The following ADAM12 variants were observed in gnomAD, a reference collection of about 807,000 sequenced individuals.
ADAM12 encodes ADAM metallopeptidase domain 12, also known as disintegrin and metalloproteinase domain-containing protein 12.
A neutral mutation model predicts 106.4 loss-of-function variants in ADAM12; 70 were observed. The ratio of observed to expected loss-of-function variants is 0.66; its 90% confidence interval spans 0.54 to 0.80. The LOEUF is 0.80. ADAM12 is among the 30% of genes least tolerant of loss of function. The pLI, the probability that ADAM12 is intolerant of heterozygous loss-of-function variation, is 0.00. For missense variants in ADAM12, 1,010 were observed against 1,171.9 expected, an observed-to-expected ratio of 0.86 and a Z score of 2.02; for synonymous variants, 420 against 433.5, an observed-to-expected ratio of 0.97 and a Z score of 0.39.
chr10:126,036,547 T>C (rs1382369327), intron 20 of ADAM12, among the ~76,000 whole-genome samples: 2 of 152,106 alleles, frequency 1.3e-5, no homozygotes, highest in Non-Finnish European at 2.9e-5. Context: ...AAATCTGGAA[T>C]AGAAGGATCG....
chr10:126,060,543 A>C (rs1954732019), intron 14 of ADAM12, among the ~76,000 whole-genome samples: 1 of 152,186 alleles, frequency 6.6e-6, no homozygotes, highest in Non-Finnish European at 1.5e-5. Context: ...CGTGATCCAG[A>C]TCCTGAAGCA....
intron 21 of ADAM12, among the ~76,000 whole-genome samples, chr10:126,034,820 C>T (rs1317842927): frequency 6.6e-6 from 1 of 152,082 alleles, no homozygotes; most frequent in African/African-American, 2.4e-5. Flanking sequence ...AAAAAGACAA[C>T]ACTAATACTA....
Position 126,278,934 on chromosome 10 carries a change from T to C in ADAM12, c.241A>G (p.Ile81Val). Residue 81 changes from isoleucine to valine, a missense_variant, in exon 3 of 23, where the codon ATA (isoleucine) becomes GTA (valine). Transcript: ENST00000448723. ...RLQRESKELI[I>V]NLERNEGLIA... Reference sequence around the variant, plus strand: ...ACTTACTCATTTCTTTCCAGATTTATGATCAGTTCTTTGCTTTCCCGTTGT... The same window carrying C: ...ACTTACTCATTTCTTTCCAGATTTACGATCAGTTCTTTGCTTTCCCGTTGT... The C allele has an allele frequency of 1.2e-6, 2 of 1,611,920 alleles. No individual in the cohort carries two copies. Among genetic ancestry groups the C allele is most frequent in the Non-Finnish European group, 1.7e-6 (2 of 1,178,352 alleles).
At chr10:126,174,548 A>T (rs1957182757) in intron 3 of ADAM12, among the ~76,000 whole-genome samples, 1 of 152,116 alleles carries the variant, frequency 6.6e-6, no homozygotes, top group South Asian at 2.1e-4. Context: ...CCCGTACCAG[A>T]CAACTGGCAC....
At chr10:126,117,923 T>G in intron 6 of ADAM12, 115 bp downstream of exon 6, 1 of 1,203,044 alleles carries the variant, frequency 8.3e-7, no homozygotes, top group South Asian at 1.4e-5. Flanking sequence ...GGCACTTCCA[T>G]CCCCCAGATG....
intron 2 of ADAM12, among the ~76,000 whole-genome samples, chr10:126,288,510 T>C (rs1019883308): frequency 1.6e-4 from 25 of 152,136 alleles, no homozygotes; most frequent in African/African-American, 6.0e-4. Context: ...AAAATCTGAA[T>C]CAATGCAAAA....
At chr10:126,135,719 A>G in intron 4 of ADAM12, 59 bp from the exon 5 acceptor site, 1 of 1,405,836 alleles carries the variant, frequency 7.1e-7, no homozygotes, top group Non-Finnish European at 1.0e-6. Flanking sequence ...CCCACTTATA[A>G]TAAATCAACT....
intron 8 of ADAM12, among the ~76,000 whole-genome samples, chr10:126,104,534 G>A (rs116728931): frequency 0.016 from 2,505 of 152,064 alleles, 70 homozygotes; most frequent in African/African-American, 0.057. Flanking sequence ...CCCTGAATTT[G>A]CAGCTGACAC....
At position 126,235,397 on chromosome 10, in the gene ADAM12, G is replaced by A. The variant is rs113794750; in HGVS notation, c.260+43518C>T. Reference sequence around the variant, plus strand: ...CAGAGCAAGAGAGGACACATCTGGAGGACGACAGGAAGAGGCTCTGGGAGA... The same window carrying A: ...CAGAGCAAGAGAGGACACATCTGGAAGACGACAGGAAGAGGCTCTGGGAGA... On this transcript the variant is annotated intron_variant, in intron 3 of 22. Coordinates refer to ENST00000448723, the MANE Select transcript of ADAM12 (RefSeq NM_001288973.2). Among the ~76,000 whole-genome samples, 936 of 152,336 alleles carry A rather than the reference G, an allele frequency of 6.1e-3. 14 individuals carry two copies. The highest frequency in any genetic ancestry group is 9.1e-3 in the Non-Finnish European group (616 of 68,024).
chr10:126,382,632 C>T (rs1856534824), intron 1 of ADAM12, among the ~76,000 whole-genome samples: 1 of 152,152 alleles, frequency 6.6e-6, no homozygotes, highest in African/African-American at 2.4e-5. Context: ...GTCAGTAAAT[C>T]CATCTGTGGA....
At chr10:126,240,173 C>T (rs1365390401) in intron 3 of ADAM12, among the ~76,000 whole-genome samples, 2 of 152,256 alleles carry the variant, frequency 1.3e-5, no homozygotes, top group Non-Finnish European at 2.9e-5. Context: ...GAGCACTGTC[C>T]TTGCCTCCCA....
At position 126,387,886 on chromosome 10, in the gene ADAM12, ACCTGGGGGGGGGGGGTCGGTCTCG is replaced by A. The variant is rs1408871134; in HGVS notation, c.88+148_88+171del. On this transcript the variant is annotated intron_variant, in intron 1 of 22. Coordinates refer to ENST00000448723, the MANE Select transcript of ADAM12 (RefSeq NM_001288973.2). The stretch of plus-strand genomic sequence containing the variant: ...TGTCGCCCTTCCCCAAGGAATTGGC[ACCTGGGGGGGGGGGGTCGGTCTCG>A]CCGCGCTGGAAGCGCAAGCCCCGGG... Among the ~76,000 whole-genome samples the A allele has an allele frequency of 5.8e-3, 410 of 71,278 alleles. 4 individuals carry two copies. The highest frequency in any genetic ancestry group is 0.021 in the African/African-American group (396 of 18,500). 46.8% of individuals were successfully genotyped at this position (71,278 alleles called of 152,430 possible).
chr10:126,049,081 C>G lies in ADAM12; in HGVS notation c.1917+172G>C, dbSNP rs2133436703. On this transcript the variant is annotated intron_variant, in intron 16 of 22. Transcript: ENST00000448723. This position sits in a 1 kb window ranked among gnomAD's most constrained non-coding sequence, Gnocchi z 4.4. ...ACAGGCTTGATTTTTCCCCAATCTG[C>G]ATTTTAATAGTCAGACCAGGATCTA... Among the ~76,000 whole-genome samples the G allele has an allele frequency of 6.6e-6, 1 of 152,346 alleles. No homozygotes were observed.
intron 3 of ADAM12, among the ~76,000 whole-genome samples, chr10:126,260,700 A>T (rs928850483): frequency 6.6e-6 from 1 of 152,178 alleles, no homozygotes; most frequent in Non-Finnish European, 1.5e-5. Flanking sequence ...AAACATTGCC[A>T]CTGAAAACCA....
chr10:126,040,600 A>C (rs1327094445), intron 18 of ADAM12, among the ~76,000 whole-genome samples: 2 of 152,196 alleles, frequency 1.3e-5, no homozygotes, highest in Non-Finnish European at 2.9e-5. Flanking sequence ...TGTTACTGGA[A>C]AAGCATTGCT....
rs1192039884 is a variant in ADAM12 at position 126,016,623 on chromosome 10, C to G, written c.*656G>C. The G allele has an allele frequency of 6.6e-6, 1 of 152,336 alleles. No individual in the cohort carries two copies. Among genetic ancestry groups the G allele is most frequent in the Non-Finnish European group, 1.5e-5 (1 of 68,164 alleles). 9.4% of individuals were successfully genotyped at this position (152,336 alleles called of 1,614,324 possible). A position where few individuals can be genotyped will look rare whatever the true frequency, so the allele number is the denominator to read the frequency against. ...TCTGGCTTGTCTAGTGTTCCAGTCT[C>G]TATCCTGGTGTGGCTACACCTTAAG... On this transcript the variant is annotated 3_prime_UTR_variant, in exon 23 of 23. Transcript: ENST00000448723.
chr10:126,101,379 GTGGTGT>G, intron 8 of ADAM12, 138 bp from the exon 9 acceptor site: 1 of 850,666 alleles, frequency 1.2e-6, no homozygotes, highest in East Asian at 2.7e-5. Context: ...TTTGGTTCCT[GTGGTGT>G]TGGAATTTAA....
In ADAM12 at chr10:126,316,664, C is replaced by T. The variant is rs368168172; in HGVS notation, c.186+13748G>A. On this transcript the variant is annotated intron_variant, in intron 2 of 22. Coordinates refer to ENST00000448723, the MANE Select transcript of ADAM12 (RefSeq NM_001288973.2). ...TTGAGCTCAGGAGTTTGAGACCAGC[C>T]TCAGCAACATGGCAAAAACCTATCT... Among the ~76,000 whole-genome samples, 9 of 151,742 alleles carry T rather than the reference C, an allele frequency of 5.9e-5. 1 individual carries two copies. Among genetic ancestry groups the T allele is most frequent in the African/African-American group, 1.9e-4 (8 of 41,364 alleles).
chr10:126,193,471 T>A (rs936830555), intron 3 of ADAM12, among the ~76,000 whole-genome samples: 1 of 152,180 alleles, frequency 6.6e-6, no homozygotes, highest in East Asian at 1.9e-4. Flanking sequence ...AGAAATGTGC[T>A]TACTGGATTA....
Sources: allele counts gnomAD v4.1 joint callset (sites outside exome capture counted in the v4.1 genomes callset), GRCh38; gene constraint gnomAD v4.1.1; non-coding constraint Gnocchi (gnomAD v3.1); transcripts MANE v1.5; gene names NCBI Gene and HGNC (gene_info 2026-07-23, HGNC 2026-07-21).